The following GARRE1 variants were observed in gnomAD, a reference collection of about 807,000 sequenced individuals.
The protein encoded by GARRE1 is granule associated Rac and RHOG effector 1, also known as granule associated Rac and RHOG effector protein 1.
A neutral mutation model predicts 103.2 loss-of-function variants in GARRE1; 49 were observed. That is an observed-to-expected ratio of 0.47 (90% CI 0.38 to 0.60). The LOEUF is 0.60. Ranked by LOEUF, GARRE1 falls within the 20% of genes least tolerant of loss-of-function variation. The probability of loss-of-function intolerance (pLI) is 0.00; values close to 1 mark genes in which losing one functional copy is unlikely to be tolerated. For missense variants in GARRE1, 1,199 were observed against 1,370.5 expected (o/e 0.87, Z 1.98); for synonymous variants, 505 against 532.8 (o/e 0.95, Z 0.72).
At chr19:34,268,410 C>CA (rs745822947) in intron 1 of GARRE1, among the ~76,000 whole-genome samples, 1 of 152,004 alleles carries the variant, frequency 6.6e-6, no homozygotes, top group African/African-American at 2.4e-5. Flanking sequence ...CTCTGTTTAA[C>CA]AAAGATTTTT....
chr19:34,280,792 T>C (rs573939935), intron 1 of GARRE1, among the ~76,000 whole-genome samples: 2 of 152,302 alleles, frequency 1.3e-5, no homozygotes, highest in East Asian at 3.9e-4. Flanking sequence ...GCTTTCTGGC[T>C]TTACAAGAAG....
chr19:34,353,253 C>T lies in GARRE1; in HGVS notation c.*298C>T, dbSNP rs950327638. On this transcript the variant is annotated 3_prime_UTR_variant, in exon 14 of 14. Transcript: ENST00000299505. ...GCGCCACAGGTGACTCTGATGCAGGCGCCACAGCCACACTTGAAGAAACAC... is the reference window on the plus strand; with the variant it reads ...GCGCCACAGGTGACTCTGATGCAGGTGCCACAGCCACACTTGAAGAAACAC... The T allele has an allele frequency of 1.2e-5, 5 of 413,092 alleles. No individual in the cohort carries two copies. The highest frequency in any genetic ancestry group is 2.2e-5 in the Non-Finnish European group (5 of 231,928). The allele number at this position is 413,092 out of a possible 1,614,324, so 25.6% of individuals were successfully genotyped here. A position where few individuals can be genotyped will look rare whatever the true frequency, so the allele number is the denominator to read the frequency against.
At chr19:34,279,335 C>G (rs1048838415) in intron 1 of GARRE1, among the ~76,000 whole-genome samples, 8 of 152,132 alleles carry the variant, frequency 5.3e-5, no homozygotes, top group Admixed American at 5.2e-4. Flanking sequence ...GTGTCTCGCT[C>G]TCCGTCCCAG....
At chr19:34,338,527 G>T (rs2074171048) in intron 8 of GARRE1, among the ~76,000 whole-genome samples, 1 of 152,106 alleles carries the variant, frequency 6.6e-6, no homozygotes, top group African/African-American at 2.4e-5. Context: ...GATAGAGTAG[G>T]ACTCTGTCTC....
chr19:34,333,791 C>A lies in GARRE1; in HGVS notation c.1351C>A (p.Pro451Thr). Reference sequence around the variant, plus strand: ...AGGCTCTAGAATCGTGGTTCAAGTCCCATCCACATGGTAACGTGCCTCTTA... The same window carrying A: ...AGGCTCTAGAATCGTGGTTCAAGTCACATCCACATGGTAACGTGCCTCTTA... ...LEGSRIVVQV[P>T]STWCLKEDPA... The change falls in exon 8 of 14, where the codon CCA (proline) becomes ACA (threonine). Residue 451 changes from proline to threonine, a missense_variant. Coordinates refer to ENST00000299505, the MANE Select transcript of GARRE1 (RefSeq NM_014686.5). 2 of 1,595,330 alleles carry A rather than the reference C, an allele frequency of 1.3e-6. No individual in the cohort carries two copies. The highest frequency in any genetic ancestry group is 1.7e-6 in the Non-Finnish European group (2 of 1,163,318).
At chr19:34,260,816 A>G (rs995330747) in intron 1 of GARRE1, among the ~76,000 whole-genome samples, 3 of 152,264 alleles carry the variant, frequency 2.0e-5, no homozygotes, top group South Asian at 2.1e-4. Flanking sequence ...TGACCCAGCT[A>G]TAACCCCAGG....
At chr19:34,274,172 G>A (rs1443745742) in intron 1 of GARRE1, among the ~76,000 whole-genome samples, 8 of 152,028 alleles carry the variant, frequency 5.3e-5, no homozygotes, top group Non-Finnish European at 7.4e-5. Context: ...TTGGGAGGCC[G>A]CGGCGGGTGG....
In GARRE1 at chr19:34,339,841, A is replaced by G. The variant is rs576408605; in HGVS notation, c.1362-26A>G. The G allele has an allele frequency of 2.3e-5, 37 of 1,613,888 alleles. 3 individuals are homozygous for G. In the South Asian group the frequency reaches 3.1e-4, roughly 13 times the overall value. ...ACCTTTGCAGAGAAATGCAGCCAAGACTAATGCAGCCTAATCTATGCCTAG... is the reference window on the plus strand; with the variant it reads ...ACCTTTGCAGAGAAATGCAGCCAAGGCTAATGCAGCCTAATCTATGCCTAG... On this transcript the variant is annotated intron_variant, in intron 8 of 13. Coordinates refer to ENST00000299505, the MANE Select transcript of GARRE1 (RefSeq NM_014686.5).
chr19:34,266,410 G>A (rs1177569123), intron 1 of GARRE1, among the ~76,000 whole-genome samples: 1 of 152,208 alleles, frequency 6.6e-6, no homozygotes, highest in Non-Finnish European at 1.5e-5. Flanking sequence ...CACCCAGGCT[G>A]AAGTGCAGTG....
rs116270676 is a variant in GARRE1 at position 34,267,758 on chromosome 19, A to G, written c.-796+13144A>G. Among the ~76,000 whole-genome samples, 336 of 150,694 alleles carry G rather than the reference A, an allele frequency of 2.2e-3. 4 individuals are homozygous for G. Among genetic ancestry groups the G allele is most frequent in the African/African-American group, 7.4e-3 (303 of 41,026 alleles). ...AACAAATTAGGTTTGAATAAATTAT[A>G]TAATTGCTTTGTGGTTTTTTTGTTT... On this transcript the variant is annotated intron_variant, in intron 1 of 13. Coordinates refer to ENST00000299505, the MANE Select transcript of GARRE1 (RefSeq NM_014686.5).
rs1336888137 is a variant in GARRE1, at chr19:34,353,045, C to T, written c.*90C>T. 2 of 1,256,770 alleles carry T rather than the reference C, an allele frequency of 1.6e-6. No individual in the cohort carries two copies. The highest frequency in any genetic ancestry group is 1.5e-5 in the South Asian group (1 of 66,390). 77.9% of individuals were successfully genotyped at this position (1,256,770 alleles called of 1,614,324 possible). A position where few individuals can be genotyped will look rare whatever the true frequency, so the allele number is the denominator to read the frequency against. ...CCACCCCAGGGCCACTTAGCTGACA[C>T]CAGCCCCTCAGAGGACCAGTGCGCC... On this transcript the variant is annotated 3_prime_UTR_variant, in exon 14 of 14. Coordinates refer to ENST00000299505, the MANE Select transcript of GARRE1 (RefSeq NM_014686.5).
intron 1 of GARRE1, among the ~76,000 whole-genome samples, chr19:34,278,806 G>A (rs1023768834): frequency 2.0e-5 from 3 of 152,054 alleles, no homozygotes; most frequent in Admixed American, 6.6e-5. Flanking sequence ...CAAGTAGCTG[G>A]AACTACAAGT....
chr19:34,260,604 A>G (rs2073711538), intron 1 of GARRE1, among the ~76,000 whole-genome samples: 1 of 152,216 alleles, frequency 6.6e-6, no homozygotes, highest in Non-Finnish European at 1.5e-5. Context: ...ATATGTATAC[A>G]TGTGCCATGC....
rs1047011378 is a variant in GARRE1, at chr19:34,294,735, C to G, written c.-795-4944C>G. On this transcript the variant is annotated intron_variant, in intron 1 of 13. Coordinates refer to ENST00000299505, the MANE Select transcript of GARRE1 (RefSeq NM_014686.5). ...TTATTATTATTTTCAGACAGAGTCTCTCTCTGTCGCCCAGGCTGGAGTACA... is the reference window on the plus strand; with the variant it reads ...TTATTATTATTTTCAGACAGAGTCTGTCTCTGTCGCCCAGGCTGGAGTACA... 2.0e-5 allele frequency among the ~76,000 whole-genome samples: 3 copies of G among 152,066 alleles called. No homozygotes were observed. The East Asian group carries it at 5.8e-4, about 29-fold the overall frequency.
At chr19:34,343,721 C>T (rs2074197650) in intron 10 of GARRE1, among the ~76,000 whole-genome samples, 1 of 152,020 alleles carries the variant, frequency 6.6e-6, no homozygotes, top group Non-Finnish European at 1.5e-5. Context: ...GTGGCACATG[C>T]CTGTAGTCCC....
At position 34,336,584 on chromosome 19, in the gene GARRE1, C is replaced by T. The variant is rs113584188; in HGVS notation, c.1361+2783C>T. On this transcript the variant is annotated intron_variant, in intron 8 of 13. Coordinates refer to ENST00000299505, the MANE Select transcript of GARRE1 (RefSeq NM_014686.5). ...CTGGGTTCAAATGATTTTCCTGCCT[C>T]AGCTTCCTGAGTAGCTGGGATTACA... Among the ~76,000 whole-genome samples the T allele has an allele frequency of 5.6e-3, 845 of 151,984 alleles. 8 individuals are homozygous for T. Among genetic ancestry groups the T allele is most frequent in the Middle Eastern group, 0.01 (3 of 294 alleles).
intron 10 of GARRE1, among the ~76,000 whole-genome samples, chr19:34,345,540 C>T (rs1438162619): frequency 6.6e-6 from 1 of 152,180 alleles, no homozygotes; most frequent in Non-Finnish European, 1.5e-5. Context: ...ATATTTGAGG[C>T]CGGGTGCAGT....
At chr19:34,268,700 C>T (rs937150923) in intron 1 of GARRE1, among the ~76,000 whole-genome samples, 9 of 151,922 alleles carry the variant, frequency 5.9e-5, no homozygotes, top group African/African-American at 2.2e-4. Flanking sequence ...GTGACTCACA[C>T]CTGTAATCCC....
chr19:34,291,985 A>C (rs554339831), intron 1 of GARRE1, among the ~76,000 whole-genome samples: 1 of 152,030 alleles, frequency 6.6e-6, no homozygotes, highest in South Asian at 2.1e-4. Flanking sequence ...CAGCCTCCTA[A>C]ATAGCTGGGA....
Sources: allele counts gnomAD v4.1 joint callset (sites outside exome capture counted in the v4.1 genomes callset), GRCh38; gene constraint gnomAD v4.1.1; transcripts MANE v1.5; gene names NCBI Gene and HGNC (gene_info 2026-07-23, HGNC 2026-07-21).